Variants in FUT8 observed in about 807,000 individuals in gnomAD.
The protein encoded by FUT8 is alpha-(1,6)-fucosyltransferase.
A neutral mutation model predicts 71.3 loss-of-function variants in FUT8; 29 were observed. That is an observed-to-expected ratio of 0.41 (90% CI 0.30 to 0.55). FUT8 has a LOEUF of 0.55. Ranked by LOEUF, FUT8 falls within the 20% of genes least tolerant of loss-of-function variation. The probability of loss-of-function intolerance (pLI) is 0.34; values close to 1 mark genes in which losing one functional copy is unlikely to be tolerated. For synonymous variants in FUT8, 254 were observed against 239.3 expected, an observed-to-expected ratio of 1.06 and a Z score of -0.57; for missense variants, 544 against 702.1, an observed-to-expected ratio of 0.77 and a Z score of 2.55.
At chr14:65,661,855 G>A (rs1157229698) in intron 6 of FUT8, among the ~76,000 whole-genome samples, 1 of 152,142 alleles carries the variant, frequency 6.6e-6, no homozygotes, top group Non-Finnish European at 1.5e-5. Context: ...TTTGAAATAT[G>A]TCTAACAGTG....
At chr14:65,492,223 C>G (rs1405171424) in intron 2 of FUT8, among the ~76,000 whole-genome samples, 1 of 152,098 alleles carries the variant, frequency 6.6e-6, no homozygotes, top group Non-Finnish European at 1.5e-5. Context: ...TCCAACATGA[C>G]AGATATTTAT....
At chr14:65,451,362 C>T (rs1402385055) in intron 1 of FUT8, among the ~76,000 whole-genome samples, 1 of 152,276 alleles carries the variant, frequency 6.6e-6, no homozygotes, top group Non-Finnish European at 1.5e-5. Flanking sequence ...TTAGCCACAG[C>T]AGGAGTGAAC....
intron 2 of FUT8, among the ~76,000 whole-genome samples, chr14:65,474,206 T>C (rs2139650017): frequency 6.6e-6 from 1 of 152,032 alleles, no homozygotes; most frequent in South Asian, 2.1e-4. Flanking sequence ...TATGCTACTT[T>C]GGTGATGGGT....
At position 65,705,785 on chromosome 14, in the gene FUT8, A is replaced by AG. The variant is rs1473865222; in HGVS notation, c.836-15988dup. On this transcript the variant is annotated intron_variant, in intron 7 of 10. Coordinates refer to ENST00000673929, the MANE Select transcript of FUT8 (RefSeq NM_001371533.1). Reference sequence around the variant, plus strand: ...AGAATGTCAGAACTTCACGGTAGCTAGGAGTCCCTACTCTTCATTGTAGTC... The same window carrying AG: ...AGAATGTCAGAACTTCACGGTAGCTAGGGAGTCCCTACTCTTCATTGTAGTC... 3.9e-5 allele frequency among the ~76,000 whole-genome samples: 6 copies of AG among 152,342 alleles called. No homozygotes were observed. In the East Asian group the frequency reaches 1.2e-3, roughly 29 times the overall value.
chr14:65,642,270 T>C (rs1890876718), intron 6 of FUT8, among the ~76,000 whole-genome samples: 1 of 152,088 alleles, frequency 6.6e-6, no homozygotes, highest in Non-Finnish European at 1.5e-5. Context: ...TTTTCAAAGA[T>C]TATGTCTTTC....
chr14:65,620,199 T>C (rs1484533982), intron 5 of FUT8, among the ~76,000 whole-genome samples: 1 of 152,184 alleles, frequency 6.6e-6, no homozygotes, highest in African/African-American at 2.4e-5. Context: ...CAAGTTCTGT[T>C]TATGGTAATT....
intron 2 of FUT8, among the ~76,000 whole-genome samples, chr14:65,479,015 C>A (rs1193084991): frequency 6.6e-6 from 1 of 152,126 alleles, no homozygotes; most frequent in Non-Finnish European, 1.5e-5. Flanking sequence ...TTTAAAACAT[C>A]CCCTTTAGCT....
At chr14:65,475,111 CA>C (rs896264427) in intron 2 of FUT8, among the ~76,000 whole-genome samples, 24 of 152,180 alleles carry the variant, frequency 1.6e-4, no homozygotes, top group African/African-American at 5.8e-4. Context: ...GTCTTTCCCC[CA>C]ATCTTGTCTC....
chr14:65,514,691 CTTT>C (rs201567840), intron 2 of FUT8, among the ~76,000 whole-genome samples: 1 of 143,812 alleles, frequency 7.0e-6, no homozygotes, highest in South Asian at 2.2e-4. Flanking sequence ...CAAATCACTT[CTTT>C]TTTTTTTTTT....
chr14:65,570,742 G>A (rs982613631), intron 3 of FUT8, among the ~76,000 whole-genome samples: 2 of 152,072 alleles, frequency 1.3e-5, no homozygotes, highest in African/African-American at 2.4e-5. Flanking sequence ...AAAGTTTGTC[G>A]TGTTAAAGTG....
intron 2 of FUT8, among the ~76,000 whole-genome samples, chr14:65,487,564 CAAA>C (rs745645710): frequency 7.8e-5 from 5 of 64,472 alleles, no homozygotes; most frequent in Admixed American, 3.3e-4. Context: ...GACTCCGTCT[CAAA>C]AAAAAAAAAA....
intron 1 of FUT8, among the ~76,000 whole-genome samples, chr14:65,449,444 A>G (rs143671958): frequency 8.3e-4 from 127 of 152,330 alleles, no homozygotes; most frequent in African/African-American, 2.8e-3. Flanking sequence ...TTGCCAAAAC[A>G]GAAAGAATGC....
At position 65,467,391 on chromosome 14, in the gene FUT8, G is replaced by A. The variant is rs1027913221; in HGVS notation, c.-228+11673G>A. Among the ~76,000 whole-genome samples the A allele has an allele frequency of 2.0e-5, 3 of 152,026 alleles. No homozygotes were observed. Among genetic ancestry groups the A allele is most frequent in the Non-Finnish European group, 2.9e-5 (2 of 68,002 alleles). ...TGGCTCACTGCAACCACTGCCTCCCGGGTTCAAGCGATTCTCCTGCCTCAG... is the reference window on the plus strand; with the variant it reads ...TGGCTCACTGCAACCACTGCCTCCCAGGTTCAAGCGATTCTCCTGCCTCAG... On this transcript the variant is annotated intron_variant, in intron 2 of 10. Coordinates refer to ENST00000673929, the MANE Select transcript of FUT8 (RefSeq NM_001371533.1). The surrounding 1 kb of genome is among the most constrained non-coding windows in gnomAD (Gnocchi z 4.1).
chr14:65,425,029 C>A (rs1373125414), intron 1 of FUT8, among the ~76,000 whole-genome samples: 1 of 151,958 alleles, frequency 6.6e-6, no homozygotes, highest in Non-Finnish European at 1.5e-5. Context: ...ACAAACCTCC[C>A]CCAAATTTAT....
At chr14:65,724,544 C>T (rs996293993) in intron 9 of FUT8, among the ~76,000 whole-genome samples, 2 of 152,074 alleles carry the variant, frequency 1.3e-5, no homozygotes, top group Admixed American at 1.3e-4. Flanking sequence ...TGAACTGGAC[C>T]ACTGACTTAC....
chr14:65,664,612 T>A (rs1195476233), intron 6 of FUT8, among the ~76,000 whole-genome samples: 2 of 152,152 alleles, frequency 1.3e-5, no homozygotes, highest in Non-Finnish European at 1.5e-5. Flanking sequence ...GAAAGGTACT[T>A]CTTCTGGAGG....
chr14:65,697,554 T>C (rs114628102), intron 7 of FUT8, among the ~76,000 whole-genome samples: 1,590 of 152,294 alleles, frequency 0.01, 29 homozygotes, highest in African/African-American at 0.037. Context: ...TGAGTATGAA[T>C]TGAGCTAAAA....
At chr14:65,502,690 A>G (rs1019621658) in intron 2 of FUT8, among the ~76,000 whole-genome samples, 2 of 152,242 alleles carry the variant, frequency 1.3e-5, no homozygotes, top group Admixed American at 6.5e-5. Context: ...CCCATAAACA[A>G]AGTTTTAAAA....
At chr14:65,533,359 A>T (rs1007427804) in intron 2 of FUT8, among the ~76,000 whole-genome samples, 7 of 152,128 alleles carry the variant, frequency 4.6e-5, no homozygotes, top group Non-Finnish European at 8.8e-5. Flanking sequence ...CTCATTGTAA[A>T]GATCTTTCAC....
Sources: gnomAD v4.1 joint callset for allele counts (sites outside exome capture counted in the v4.1 genomes callset) on GRCh38, gnomAD v4.1.1 for gene constraint, Gnocchi (gnomAD v3.1) non-coding constraint, MANE v1.5 for transcripts, NCBI Gene and HGNC (gene_info 2026-07-23, HGNC 2026-07-21) for gene names.